The following ADGRG4 variants were observed in gnomAD, a reference collection of about 807,000 sequenced individuals.
ADGRG4 encodes the protein adhesion G protein-coupled receptor G4, also known as G protein-coupled receptor 112.
ADGRG4 carries 122 observed loss-of-function variants against 126.2 expected under a neutral mutation model. That is an observed-to-expected ratio of 0.97 (90% CI 0.83 to 1.12). ADGRG4 has a LOEUF of 1.12. ADGRG4 is among the 50% of genes most tolerant of loss of function. The pLI, the probability that ADGRG4 is intolerant of heterozygous loss-of-function variation, is 0.00. For missense variants in ADGRG4, 2,481 were observed against 2,251.8 expected, an observed-to-expected ratio of 1.10 and a Z score of -2.06; for synonymous variants, 943 against 838.7, an observed-to-expected ratio of 1.12 and a Z score of -2.15.
rs770470473 is a variant in ADGRG4 at position 136,349,152 on chromosome X, A to AC, written c.5450dup (p.Val1818CysfsTer25). The AC allele has an allele frequency of 2.2e-5, 26 of 1,195,693 alleles. No homozygotes were observed. Among genetic ancestry groups the AC allele is most frequent in the Non-Finnish European group, 2.9e-5 (26 of 883,203 alleles). On this transcript the variant is annotated frameshift_variant, in exon 6 of 26. Transcript: ENST00000394143. LOFTEE classifies it high-confidence loss of function. Reference sequence around the variant, plus strand: ...AACAAACTATGCCACATCTTTGAATACCCCTGTTTCATACCCTCCATGGAC... The same window carrying AC: ...AACAAACTATGCCACATCTTTGAATACCCCCTGTTTCATACCCTCCATGGAC...
chrX:136,356,166 G>T lies in ADGRG4; in HGVS notation c.6927+1G>T, dbSNP rs753181473. 2.6e-6 allele frequency: 3 copies of T among 1,166,945 alleles called. No individual in the cohort carries two copies. The highest frequency in any genetic ancestry group is 1.9e-5 in the South Asian group (1 of 52,759). ...AGAGATGGTCATGGATCGAGCTATT[G>T]TAAGTAATTTTTCAAAATGAATCTA... On this transcript the variant is annotated splice_donor_variant, in intron 9 of 25. Coordinates refer to ENST00000394143, the MANE Select transcript of ADGRG4 (RefSeq NM_153834.4). LOFTEE classifies it high-confidence loss of function.
Position 136,346,390 on chromosome X carries a change from C to A in ADGRG4, c.2684C>A (p.Thr895Asn). 1 of 1,209,801 alleles carries A rather than the reference C, an allele frequency of 8.3e-7. No individual in the cohort carries two copies. The highest frequency in any genetic ancestry group is 1.1e-6 in the Non-Finnish European group (1 of 894,148). ...TTTCCTGATATAGAAAAGCTAAGTA[C>A]CCCATTGGATAATAAAACTGCAACA... Reference protein sequence around the residue: ...SSFPDIEKLSTPLDNKTATTE... With the variant: ...SSFPDIEKLSNPLDNKTATTE... Residue 895 changes from threonine (T) to asparagine (N), a missense_variant, in exon 6 of 26, where the codon ACC becomes AAC. Transcript: ENST00000394143.
At chrX:136,353,298 A>T in intron 7 of ADGRG4, 39 bp from the exon 8 acceptor site, 1 of 926,347 alleles carries the variant, frequency 1.1e-6, no homozygotes, top group South Asian at 2.0e-5. Context: ...AAACTAGAGG[A>T]GCAGAATACT....
chrX:136,399,360 CT>C (rs1281064913), intron 20 of ADGRG4, among the ~76,000 whole-genome samples: 5 of 111,862 alleles, frequency 4.5e-5, no homozygotes, highest in Non-Finnish European at 7.5e-5. Flanking sequence ...GGGGGTAATA[CT>C]TTTTTTATTT....
intron 8 of ADGRG4, among the ~76,000 whole-genome samples, chrX:136,355,222 T>TACAC (rs10553631): frequency 0.012 from 1,181 of 100,211 alleles, 3 homozygotes; most frequent in Non-Finnish European, 0.018. Flanking sequence ...AACATATGTG[T>TACAC]ACACACACAC....
intron 25 of ADGRG4, 24 bp from the exon 26 acceptor site, chrX:136,416,430 A>T: frequency 8.4e-7 from 1 of 1,184,253 alleles, no homozygotes; most frequent in Non-Finnish European, 1.1e-6. Flanking sequence ...GCAGCTGAAA[A>T]TTTTCTTTTT....
rs772858032 is a variant in ADGRG4 at position 136,348,873 on chromosome X, A to T, written c.5167A>T (p.Asn1723Tyr). The change falls in exon 6 of 26, where the codon AAC (asparagine) becomes TAC (tyrosine). Residue 1723 changes from asparagine (N) to tyrosine (Y), a missense_variant. Transcript: ENST00000394143. ...TTLGILSGIT[N>Y]RSLSTVNSGT... ...TTTGGGCATATTATCTGGGATTACTAACAGGTCCCTATCTACTGTGAACAG... is the reference window on the plus strand; with the variant it reads ...TTTGGGCATATTATCTGGGATTACTTACAGGTCCCTATCTACTGTGAACAG... 8.3e-7 allele frequency: 1 copy of T among 1,205,311 alleles called. No individual in the cohort carries two copies. Among genetic ancestry groups the T allele is most frequent in the Non-Finnish European group, 1.1e-6 (1 of 892,581 alleles).
intron 14 of ADGRG4, among the ~76,000 whole-genome samples, chrX:136,372,530 C>T (rs1226787592): frequency 4.5e-5 from 5 of 111,916 alleles, no homozygotes; most frequent in Non-Finnish European, 7.5e-5. Context: ...TTCCATTACA[C>T]GTAGAATAAA....
At chrX:136,379,652 G>A (rs1486066420) in intron 15 of ADGRG4, among the ~76,000 whole-genome samples, 3 of 108,652 alleles carry the variant, frequency 2.8e-5, no homozygotes, top group Non-Finnish European at 3.8e-5. Context: ...TTGTGCAACC[G>A]TTTAAAAATG....
chrX:136,341,571 G>A, intron 5 of ADGRG4, among the ~76,000 whole-genome samples: 1 of 112,244 alleles, frequency 8.9e-6, no homozygotes, highest in African/African-American at 3.2e-5. Flanking sequence ...AAAGCATAAA[G>A]CTTAAAATAC....
At chrX:136,354,961 A>T (rs1055195256) in intron 8 of ADGRG4, among the ~76,000 whole-genome samples, 1 of 111,260 alleles carries the variant, frequency 9.0e-6, no homozygotes, top group African/African-American at 3.3e-5. Flanking sequence ...TTATGGAAAC[A>T]TCATTATGTC....
chrX:136,346,636 GT>G lies in ADGRG4; in HGVS notation c.2933del (p.Phe978SerfsTer82). On this transcript the variant is annotated frameshift_variant, in exon 6 of 26. Transcript: ENST00000394143. LOFTEE classifies it high-confidence loss of function. ...TCTACCACAAGGATATCAGAAACCA[GT>G]TTCTCCACTACCCCTACAGACAGGA... ...GASTTRISET[S>X]FSTTPTDRTA... The G allele has an allele frequency of 1.7e-6, 2 of 1,210,368 alleles. No homozygotes were observed. Among genetic ancestry groups the G allele is most frequent in the Non-Finnish European group, 2.2e-6 (2 of 894,352 alleles).
At chrX:136,394,331 G>A (rs927331061) in intron 18 of ADGRG4, among the ~76,000 whole-genome samples, 1 of 112,008 alleles carries the variant, frequency 8.9e-6, no homozygotes, top group African/African-American at 3.2e-5. Context: ...AAATCTCAGA[G>A]AATTTCCACA....
At chrX:136,412,622 T>A (rs1390834003) in intron 24 of ADGRG4, among the ~76,000 whole-genome samples, 2 of 112,370 alleles carry the variant, frequency 1.8e-5, no homozygotes, top group Admixed American at 9.4e-5. Context: ...CACTGTCACA[T>A]CAGTCTCAAT....
intron 14 of ADGRG4, among the ~76,000 whole-genome samples, chrX:136,371,918 G>A (rs1181422204): frequency 9.0e-6 from 1 of 111,307 alleles, no homozygotes; most frequent in African/African-American, 3.3e-5. Context: ...GGATACGAAC[G>A]GACGACTGTA....
chrX:136,416,737 A>C lies in ADGRG4; in HGVS notation c.*246A>C. 3.7e-6 allele frequency: 1 copy of C among 272,135 alleles called. No individual in the cohort carries two copies. Among genetic ancestry groups the C allele is most frequent in the Non-Finnish European group, 6.4e-6 (1 of 155,617 alleles). The allele number at this position is 272,135 out of a possible 1,213,427, so 22.4% of individuals were successfully genotyped here. ...CCATTCACAAACAGAATTTTTCAAT[A>C]AATCCCAGTAGAGATACTTGCCTCC... On this transcript the variant is annotated 3_prime_UTR_variant, in exon 26 of 26. Transcript: ENST00000394143.
In ADGRG4 at chrX:136,305,634, C is replaced by T. The variant is rs190543486; in HGVS notation, c.-10+611C>T. ...ATGTCCAGTGAGGGTAAATAGCTGG[C>T]TTCACCTTACAGATGGAGTAAGATG... On this transcript the variant is annotated intron_variant, in intron 3 of 25. Coordinates refer to ENST00000394143, the MANE Select transcript of ADGRG4 (RefSeq NM_153834.4). 7.1e-5 allele frequency among the ~76,000 whole-genome samples: 8 copies of T among 112,441 alleles called. No individual in the cohort carries two copies. In the East Asian group the frequency reaches 2.2e-3, roughly 32 times the overall value.
At chrX:136,301,954 TA>T (rs774725261) in intron 1 of ADGRG4, among the ~76,000 whole-genome samples, 1 of 112,163 alleles carries the variant, frequency 8.9e-6, no homozygotes. Flanking sequence ...TCTGTTTTGG[TA>T]CCAGCACCAT....
intron 24 of ADGRG4, among the ~76,000 whole-genome samples, chrX:136,413,189 T>G (rs1653634082): frequency 9.2e-6 from 1 of 108,452 alleles, no homozygotes; most frequent in Non-Finnish European, 1.9e-5. Flanking sequence ...CTGCACCCAC[T>G]AACTCGTCAT....
Sources: gnomAD v4.1 joint callset for allele counts (sites outside exome capture counted in the v4.1 genomes callset) on GRCh38, gnomAD v4.1.1 for gene constraint, MANE v1.5 for transcripts, NCBI Gene and HGNC (gene_info 2026-07-23, HGNC 2026-07-21) for gene names.